The following C12orf42 variants were observed in gnomAD, a reference collection of about 807,000 sequenced individuals.
C12orf42 encodes the protein chromosome 12 open reading frame 42.
A neutral mutation model predicts 21.6 loss-of-function variants in C12orf42; 25 were observed. That is an observed-to-expected ratio of 1.16 (90% CI 0.84 to 1.62). C12orf42 has a LOEUF of 1.62. Ranked by LOEUF, C12orf42 falls within the 40% of genes most tolerant of loss-of-function variation. The pLI, the probability that C12orf42 is intolerant of heterozygous loss-of-function variation, is 0.00. For missense variants in C12orf42, 483 were observed against 459.3 expected (o/e 1.05, Z -0.47); for synonymous variants, 174 against 175.0 (o/e 0.99, Z 0.05).
chr12:103,061,881 T>G, the C12orf42 span, among the ~76,000 whole-genome samples: 17 of 152,050 alleles, frequency 1.1e-4, no homozygotes, highest in African/African-American at 3.9e-4. Flanking sequence ...TATCATCATT[T>G]TGTTAGTTTT....
the C12orf42 span, among the ~76,000 whole-genome samples, chr12:103,068,331 T>C: frequency 3.9e-5 from 6 of 152,224 alleles, no homozygotes; most frequent in African/African-American, 1.2e-4. Flanking sequence ...AAATATGTAA[T>C]AGCATTTGGG....
intron 2 of C12orf42, among the ~76,000 whole-genome samples, chr12:103,444,706 C>T (rs1041659502): frequency 6.6e-6 from 1 of 152,024 alleles, no homozygotes; most frequent in African/African-American, 2.4e-5. Flanking sequence ...TAAGATTGTA[C>T]ATATACTTGC....
rs142120255 is a variant in C12orf42 at position 103,352,078 on chromosome 12, T to G, written c.259+16809A>C. The stretch of plus-strand genomic sequence containing the variant: ...ACCCAGCTACCACCACAAGCTCCCT[T>G]GCCCTTCCTCTTTGCCCCACTTGAC... On this transcript the variant is annotated intron_variant, in intron 4 of 5. Transcript: ENST00000548883. Among the ~76,000 whole-genome samples, 68 of 152,190 alleles carry G rather than the reference T, an allele frequency of 4.5e-4. 3 individuals carry two copies. The East Asian group carries it at 0.012, about 27-fold the overall frequency.
the C12orf42 span, chr12:103,547,651 GA>G: frequency 6.6e-6 from 1 of 151,090 alleles, no homozygotes; most frequent in East Asian, 1.9e-4. Context: ...AAGAACGCAG[GA>G]GGCTTTTCCT....
the C12orf42 span, chr12:103,164,609 T>C: frequency 2.4e-6 from 1 of 421,516 alleles, no homozygotes; most frequent in Non-Finnish European, 4.8e-6. Flanking sequence ...AGTATATCAA[T>C]ATTTTCCATA....
the C12orf42 span, among the ~76,000 whole-genome samples, chr12:103,187,144 C>A: frequency 3.9e-5 from 6 of 152,152 alleles, no homozygotes; most frequent in East Asian, 1.2e-3. Context: ...TCAAAATGGG[C>A]AAGAATGATT....
chr12:103,310,226 T>A (rs1480917183), intron 4 of C12orf42, among the ~76,000 whole-genome samples: 2 of 152,060 alleles, frequency 1.3e-5, no homozygotes, highest in Admixed American at 6.6e-5. Context: ...CATTTAAAAG[T>A]GTGTGGCACC....
At chr12:103,144,610 AC>A in the C12orf42 span, among the ~76,000 whole-genome samples, 3 of 152,252 alleles carry the variant, frequency 2.0e-5, no homozygotes, top group African/African-American at 7.2e-5. Flanking sequence ...GATTTATTAT[AC>A]TTGAGAGTTG....
At chr12:103,222,221 G>A in the C12orf42 span, among the ~76,000 whole-genome samples, 39 of 152,178 alleles carry the variant, frequency 2.6e-4, no homozygotes, top group African/African-American at 5.5e-4. Context: ...GAGAGTCAGC[G>A]AAGGGAGATA....
intron 4 of C12orf42, among the ~76,000 whole-genome samples, chr12:103,316,977 C>A (rs12228711): frequency 6.6e-6 from 1 of 152,104 alleles, no homozygotes; most frequent in Non-Finnish European, 1.5e-5. Context: ...GATTGGTCCA[C>A]ATTGCTCAGT....
intron 4 of C12orf42, among the ~76,000 whole-genome samples, chr12:103,317,001 T>A (rs2039569540): frequency 1.3e-5 from 2 of 152,134 alleles, no homozygotes; most frequent in Admixed American, 6.5e-5. Flanking sequence ...TCAAAGTCAC[T>A]CATTCCAGCT....
intron 4 of C12orf42, among the ~76,000 whole-genome samples, chr12:103,324,986 C>T (rs961075322): frequency 3.9e-5 from 6 of 151,952 alleles, no homozygotes; most frequent in Admixed American, 6.6e-5. Flanking sequence ...TTTGGTTAAC[C>T]GAAAATTAAC....
chr12:103,380,497 T>A (rs1272477501), intron 3 of C12orf42, among the ~76,000 whole-genome samples: 11 of 152,122 alleles, frequency 7.2e-5, no homozygotes, highest in Admixed American at 7.2e-4. Context: ...TCATAAAGAA[T>A]AAATGCTGGA....
chr12:103,233,043 C>A (rs2136146182), downstream of C12orf42, among the ~76,000 whole-genome samples: 1 of 152,282 alleles, frequency 6.6e-6, no homozygotes, highest in Admixed American at 6.5e-5. Context: ...CTTCTAGCAA[C>A]TTTGAACTAT....
At chr12:103,121,756 A>G in the C12orf42 span, among the ~76,000 whole-genome samples, 2 of 152,230 alleles carry the variant, frequency 1.3e-5, no homozygotes, top group East Asian at 3.8e-4. Flanking sequence ...TTCTATTCAG[A>G]CTAGATGAAA....
chr12:103,284,038 T>A (rs1346523013), intron 4 of C12orf42, among the ~76,000 whole-genome samples: 1 of 152,162 alleles, frequency 6.6e-6, no homozygotes, highest in Admixed American at 6.6e-5. Context: ...TGATAAAAAA[T>A]TTTGAGTGGC....
chr12:103,305,476 C>G (rs1164524105), intron 5 of C12orf42, among the ~76,000 whole-genome samples: 4 of 152,178 alleles, frequency 2.6e-5, no homozygotes, highest in Non-Finnish European at 5.9e-5. Context: ...GGCTACAGAT[C>G]TGAGATGGGA....
At chr12:103,306,757 A>G (rs2038380711) in intron 4 of C12orf42, among the ~76,000 whole-genome samples, 1 of 152,150 alleles carries the variant, frequency 6.6e-6, no homozygotes, top group Non-Finnish European at 1.5e-5. Flanking sequence ...AACCCGCAGC[A>G]CCTGTGCATG....
chr12:103,359,714 G>A (rs943916354), intron 4 of C12orf42, among the ~76,000 whole-genome samples: 19 of 151,902 alleles, frequency 1.3e-4, no homozygotes, highest in African/African-American at 4.4e-4. Flanking sequence ...ATTATAATCT[G>A]TAATAATCTT....
Sources: gnomAD v4.1 joint callset for allele counts (sites outside exome capture counted in the v4.1 genomes callset) on GRCh38, gnomAD v4.1.1 for gene constraint, MANE v1.5 for transcripts, NCBI Gene and HGNC (gene_info 2026-07-23, HGNC 2026-07-21) for gene names.